ELMO1: variants seen among roughly 807,000 people sequenced by gnomAD.
The protein encoded by ELMO1 is engulfment and cell motility 1, also known as engulfment and cell motility protein 1.
Under a neutral mutation model 98.9 loss-of-function variants are expected in ELMO1, and 26 were observed. That is an observed-to-expected ratio of 0.26 (90% CI 0.19 to 0.36). ELMO1 has a LOEUF of 0.36. Ranked by LOEUF, ELMO1 falls within the 10% of genes least tolerant of loss-of-function variation. The pLI is 1.00. For missense variants in ELMO1, 627 were observed against 935.2 expected (o/e 0.67, Z 4.30); for synonymous variants, 346 against 346.0 (o/e 1.00, Z 0.00).
chr7:37,237,236 A>G (rs2130657380), intron 7 of ELMO1, among the ~76,000 whole-genome samples: 1 of 152,350 alleles, frequency 6.6e-6, no homozygotes, highest in South Asian at 2.1e-4. Context: ...TTATAAAAGA[A>G]TAGTGCTTCC....
chr7:37,202,993 A>G (rs1207192460), intron 13 of ELMO1, among the ~76,000 whole-genome samples: 2 of 152,026 alleles, frequency 1.3e-5, no homozygotes, highest in Non-Finnish European at 2.9e-5. Flanking sequence ...AGTTGTGCTC[A>G]CTAATGCAGT....
chr7:37,442,866 C>T (rs1805464461), intron 1 of ELMO1, among the ~76,000 whole-genome samples: 1 of 152,170 alleles, frequency 6.6e-6, no homozygotes. Flanking sequence ...AGTGAACCAA[C>T]AAAAGAAGGA....
rs1379963010 is a variant in ELMO1 at position 37,096,668 on chromosome 7, A to G, written c.1251T>C (p.Ser417=). The part of the protein sequence containing the change: ...DKHECPFGRS[S]IELTKMLCEI... Reference sequence around the variant, plus strand: ...CACATAGCATCTTGGTCAGCTCTATACTACTGCGGCCAAAGGGACATTCAT... The same window carrying G: ...CACATAGCATCTTGGTCAGCTCTATGCTACTGCGGCCAAAGGGACATTCAT... The change falls in exon 15 of 22, where the codon AGT becomes AGC. Residue 417 remains serine, a synonymous_variant. Coordinates refer to ENST00000310758, the MANE Select transcript of ELMO1 (RefSeq NM_014800.11). 1.9e-6 allele frequency: 3 copies of G among 1,614,182 alleles called. No homozygotes were observed. The highest frequency in any genetic ancestry group is 2.5e-6 in the Non-Finnish European group (3 of 1,180,012).
chr7:37,021,791 G>A (rs746399917), intron 15 of ELMO1, among the ~76,000 whole-genome samples: 7 of 152,026 alleles, frequency 4.6e-5, no homozygotes, highest in African/African-American at 7.2e-5. Context: ...CATGTCAGTC[G>A]TTACTAGTTT....
At chr7:37,265,122 A>G (rs1796170914) in intron 5 of ELMO1, among the ~76,000 whole-genome samples, 1 of 152,070 alleles carries the variant, frequency 6.6e-6, no homozygotes, top group Admixed American at 6.6e-5. Context: ...AATCAAAGCA[A>G]TCAGCCAGGA....
At chr7:36,908,919 G>C (rs1784152989) in intron 16 of ELMO1, among the ~76,000 whole-genome samples, 2 of 152,134 alleles carry the variant, frequency 1.3e-5, no homozygotes, top group African/African-American at 4.8e-5. Context: ...TCTAAGCTTG[G>C]AATCTTTAAA....
intron 8 of ELMO1, among the ~76,000 whole-genome samples, chr7:37,231,221 C>T (rs943824925): frequency 3.3e-5 from 5 of 152,072 alleles, no homozygotes; most frequent in Middle Eastern, 3.4e-3. Context: ...AAACATAGTG[C>T]GGACATGACA....
intron 10 of ELMO1, among the ~76,000 whole-genome samples, chr7:37,220,136 A>G (rs1264900919): frequency 6.6e-6 from 1 of 152,224 alleles, no homozygotes; most frequent in Non-Finnish European, 1.5e-5. Context: ...AGAAAATAAT[A>G]TCCAACAAAC....
chr7:36,911,584 T>C (rs1784345970), intron 16 of ELMO1, among the ~76,000 whole-genome samples: 1 of 152,178 alleles, frequency 6.6e-6, no homozygotes, highest in South Asian at 2.1e-4. Flanking sequence ...GGTTTATAAA[T>C]GGTGAAACTC....
At chr7:37,097,511 G>A (rs900453608) in intron 14 of ELMO1, among the ~76,000 whole-genome samples, 1 of 152,086 alleles carries the variant, frequency 6.6e-6, no homozygotes, top group Non-Finnish European at 1.5e-5. Flanking sequence ...TTGAACCCGG[G>A]AAGCGGAGGT....
chr7:37,160,150 T>G (rs1365739454), intron 13 of ELMO1, among the ~76,000 whole-genome samples: 1 of 152,248 alleles, frequency 6.6e-6, no homozygotes, highest in African/African-American at 2.4e-5. Flanking sequence ...TTGATAATAC[T>G]TTCACAGTGA....
At chr7:37,248,006 G>A (rs1025313166) in intron 6 of ELMO1, among the ~76,000 whole-genome samples, 10 of 150,772 alleles carry the variant, frequency 6.6e-5, no homozygotes, top group Non-Finnish European at 1.0e-4. Flanking sequence ...TTTTATATGA[G>A]TTCCGCCTCC....
chr7:37,193,941 G>A (rs1791811931), intron 13 of ELMO1, among the ~76,000 whole-genome samples: 1 of 152,166 alleles, frequency 6.6e-6, no homozygotes, highest in African/African-American at 2.4e-5. Context: ...ACCCGGTGCT[G>A]CCTCAGCAAC....
intron 16 of ELMO1, among the ~76,000 whole-genome samples, chr7:36,914,213 T>C (rs936086527): frequency 1.3e-5 from 2 of 152,248 alleles, no homozygotes; most frequent in African/African-American, 4.8e-5. Context: ...GAGTGTCAGC[T>C]GAATGACAAT....
chr7:36,960,560 A>T (rs1788851274), intron 16 of ELMO1, among the ~76,000 whole-genome samples: 1 of 152,174 alleles, frequency 6.6e-6, no homozygotes, highest in East Asian at 1.9e-4. Flanking sequence ...CCTTGGAGAA[A>T]CAACCTTCAG....
intron 14 of ELMO1, among the ~76,000 whole-genome samples, chr7:37,114,534 G>A (rs146055358): frequency 5.3e-5 from 8 of 152,054 alleles, no homozygotes; most frequent in South Asian, 2.1e-4. Context: ...CATATTTAGC[G>A]CCATGAAACA....
intron 16 of ELMO1, among the ~76,000 whole-genome samples, chr7:37,000,360 A>C (rs558496355): frequency 4.6e-5 from 7 of 152,340 alleles, no homozygotes; most frequent in Non-Finnish European, 8.8e-5. Context: ...GCAAAAAGCC[A>C]TATGCCATAC....
At chr7:37,283,253 C>T (rs1224755874) in intron 4 of ELMO1, among the ~76,000 whole-genome samples, 1 of 152,170 alleles carries the variant, frequency 6.6e-6, no homozygotes, top group Non-Finnish European at 1.5e-5. Flanking sequence ...CTGGAGACGA[C>T]AAACTCGCCT....
At chr7:36,992,822 C>T (rs1791965098) in intron 16 of ELMO1, among the ~76,000 whole-genome samples, 1 of 152,114 alleles carries the variant, frequency 6.6e-6, no homozygotes, top group African/African-American at 2.4e-5. Context: ...GAGATTAAAC[C>T]CACGGCTCAC....
Sources: allele counts gnomAD v4.1 joint callset (sites outside exome capture counted in the v4.1 genomes callset), GRCh38; gene constraint gnomAD v4.1.1; transcripts MANE v1.5; gene names NCBI Gene and HGNC (gene_info 2026-07-23, HGNC 2026-07-21).